The following SDK1 variants were observed in gnomAD, a reference collection of about 807,000 sequenced individuals.
SDK1 encodes the protein sidekick cell adhesion molecule 1, also known as protein sidekick-1.
A neutral mutation model predicts 245.5 loss-of-function variants in SDK1; 157 were observed. That is an observed-to-expected ratio of 0.64 (90% CI 0.56 to 0.73). SDK1 has a LOEUF of 0.73. Among genes scored for constraint, SDK1 ranks in the 30% least tolerant of loss-of-function variants. SDK1 has a pLI of 0.00. For missense variants in SDK1, 3,583 were observed against 3,002.3 expected (o/e 1.19, Z -4.52); for synonymous variants, 1,647 against 1,278.5 (o/e 1.29, Z -6.15).
At chr7:3,941,612 T>A (rs1471673008) in intron 5 of SDK1, among the ~76,000 whole-genome samples, 1 of 152,186 alleles carries the variant, frequency 6.6e-6, no homozygotes, top group Non-Finnish European at 1.5e-5. Flanking sequence ...CTTTCCCAAT[T>A]TCTCCTGGAA....
intron 1 of SDK1, among the ~76,000 whole-genome samples, chr7:3,373,500 A>C (rs931525000): frequency 1.3e-5 from 2 of 152,246 alleles, no homozygotes; most frequent in Non-Finnish European, 2.9e-5. Context: ...AAAAGGATTG[A>C]AAGGTGTTTT....
intron 5 of SDK1, among the ~76,000 whole-genome samples, chr7:3,916,099 T>C (rs1779368076): frequency 6.6e-6 from 1 of 151,578 alleles, no homozygotes; most frequent in Non-Finnish European, 1.5e-5. Context: ...CCAAAGAGGG[T>C]TTTTGGAACT....
intron 42 of SDK1, among the ~76,000 whole-genome samples, chr7:4,239,187 G>A (rs989871951): frequency 3.3e-5 from 5 of 152,298 alleles, no homozygotes; most frequent in Admixed American, 2.0e-4. Flanking sequence ...GCAAATGAAC[G>A]TAGGGTAAAG....
At chr7:3,531,573 C>T (rs981159683) in intron 1 of SDK1, among the ~76,000 whole-genome samples, 2 of 152,120 alleles carry the variant, frequency 1.3e-5, no homozygotes, top group African/African-American at 2.4e-5. Context: ...TGTGCCACTA[C>T]CTAAGTATGT....
rs551533950 is a variant in SDK1, at chr7:4,162,707, G to A, written c.4800+851G>A. 9.1e-4 allele frequency among the ~76,000 whole-genome samples: 139 copies of A among 152,198 alleles called. 1 individual carries two copies. Among genetic ancestry groups the A allele is most frequent in the African/African-American group, 3.2e-3 (133 of 41,518 alleles). On this transcript the variant is annotated intron_variant, in intron 32 of 44. Transcript: ENST00000404826. ...GAGCCACTGTGCCCAGCCAAGTCTA[G>A]GCCTTTAATCTCCAATGTGCAGTGA... is the stretch of plus-strand genomic sequence containing the variant.
At chr7:3,377,561 C>T (rs1781385042) in intron 1 of SDK1, among the ~76,000 whole-genome samples, 1 of 152,000 alleles carries the variant, frequency 6.6e-6, no homozygotes, top group African/African-American at 2.4e-5. Context: ...AGAGCTGCTG[C>T]TTTTCATCCC....
intron 4 of SDK1, among the ~76,000 whole-genome samples, chr7:3,655,942 T>C (rs1467965124): frequency 1.3e-5 from 2 of 152,058 alleles, no homozygotes; most frequent in African/African-American, 4.8e-5. Context: ...GGAAATAGGA[T>C]TGGGTGCGTT....
chr7:3,757,460 C>G (rs1052781393), intron 4 of SDK1, among the ~76,000 whole-genome samples: 10 of 152,242 alleles, frequency 6.6e-5, no homozygotes, highest in African/African-American at 1.9e-4. Flanking sequence ...TGGTCTCAAA[C>G]TCCTGGCCTC....
chr7:3,843,482 A>G (rs1780206850), intron 5 of SDK1, among the ~76,000 whole-genome samples: 1 of 152,258 alleles, frequency 6.6e-6, no homozygotes, highest in African/African-American at 2.4e-5. Context: ...TTTCTTCCTC[A>G]AATTAACTAA....
chr7:3,697,433 T>C (rs1015534574), intron 4 of SDK1, among the ~76,000 whole-genome samples: 6 of 152,240 alleles, frequency 3.9e-5, no homozygotes, highest in African/African-American at 1.2e-4. Context: ...GCTAGTAATA[T>C]GGGGAATCTG....
At chr7:3,565,599 C>G (rs986050899) in intron 1 of SDK1, among the ~76,000 whole-genome samples, 2 of 152,188 alleles carry the variant, frequency 1.3e-5, no homozygotes, top group African/African-American at 4.8e-5. Context: ...AAACAGTCAT[C>G]TCTTGGTATC....
chr7:3,451,591 C>T (rs539077270), intron 1 of SDK1, among the ~76,000 whole-genome samples: 14 of 151,752 alleles, frequency 9.2e-5, no homozygotes, highest in South Asian at 2.1e-4. Flanking sequence ...TTTCCATTAT[C>T]TTTCACTATG....
intron 1 of SDK1, among the ~76,000 whole-genome samples, chr7:3,463,507 T>C (rs749540254): frequency 2.0e-5 from 3 of 152,066 alleles, no homozygotes; most frequent in Non-Finnish European, 4.4e-5. Flanking sequence ...ATAATAATTA[T>C]ATACAATAAT....
At chr7:4,172,937 G>C (rs1781941918) in intron 32 of SDK1, among the ~76,000 whole-genome samples, 1 of 152,128 alleles carries the variant, frequency 6.6e-6, no homozygotes, top group Admixed American at 6.5e-5. Context: ...AAAACCAATT[G>C]CACGTGCAAA....
At chr7:3,356,965 G>T (rs1417499668) in intron 1 of SDK1, among the ~76,000 whole-genome samples, 1 of 86,254 alleles carries the variant, frequency 1.2e-5, no homozygotes, top group African/African-American at 7.2e-5. Flanking sequence ...TGAGGCAGAA[G>T]AACCGCTTGA....
At chr7:3,548,502 T>C (rs2080572982) in intron 1 of SDK1, among the ~76,000 whole-genome samples, 1 of 152,212 alleles carries the variant, frequency 6.6e-6, no homozygotes, top group South Asian at 2.1e-4. Flanking sequence ...AACATTTGAC[T>C]TTTTATTTTT....
At chr7:3,361,503 C>A (rs548205823) in intron 1 of SDK1, among the ~76,000 whole-genome samples, 1 of 152,182 alleles carries the variant, frequency 6.6e-6, no homozygotes, top group African/African-American at 2.4e-5. Flanking sequence ...CTCTCACCTT[C>A]GTTTCCCACA....
chr7:3,938,761 C>T (rs1036560750), intron 5 of SDK1, among the ~76,000 whole-genome samples: 14 of 152,214 alleles, frequency 9.2e-5, no homozygotes, highest in East Asian at 3.9e-4. Context: ...GGTCCAATCA[C>T]GCACCTGTTT....
chr7:4,139,677 ATG>A (rs372082538), intron 28 of SDK1, among the ~76,000 whole-genome samples: 13,212 of 112,876 alleles, frequency 0.12, 3,461 homozygotes, highest in African/African-American at 0.34. Context: ...GTGTGTGTAT[ATG>A]TGTGTGTGTG....
Sources: allele counts gnomAD v4.1 joint callset (sites outside exome capture counted in the v4.1 genomes callset), GRCh38; gene constraint gnomAD v4.1.1; transcripts MANE v1.5; gene names NCBI Gene and HGNC (gene_info 2026-07-23, HGNC 2026-07-21).